Variants in SET observed in about 807,000 individuals in gnomAD.
The protein encoded by SET is SET nuclear proto-oncogene.
SET carries 4 observed loss-of-function variants against 39.0 expected under a neutral mutation model. That is an observed-to-expected ratio of 0.10 (90% CI 0.05 to 0.23). SET has a LOEUF of 0.23. SET is among the 10% of genes least tolerant of loss of function. The pLI, the probability that SET is intolerant of heterozygous loss-of-function variation, is 1.00. For synonymous variants in SET, 114 were observed against 115.9 expected, an observed-to-expected ratio of 0.98 and a Z score of 0.11; for missense variants, 137 against 329.7, an observed-to-expected ratio of 0.42 and a Z score of 4.53.
chr9:128,694,597 C>G, intron 7 of SET, 44 bp from the exon 8 acceptor site: 2 of 1,459,912 alleles, frequency 1.4e-6, no homozygotes, highest in Non-Finnish European at 1.9e-6. Flanking sequence ...GAAAGCAAGT[C>G]TCAGCATTAA....
Position 128,691,153 on chromosome 9 carries a change from T to C in SET, c.74-17T>C. 1 of 1,595,312 alleles carries C rather than the reference T, an allele frequency of 6.3e-7. No homozygotes were observed. On this transcript the variant is annotated splice_polypyrimidine_tract_variant and intron_variant, in intron 1 of 7. Transcript: ENST00000322030. ...TAAATTTATCTTAGAATTAAGTTTT[T>C]TGCTCCTTTTTTGCAGAAAAAGAAC...
At chr9:128,684,855 T>C (rs948760971), upstream of SET, among the ~76,000 whole-genome samples, 2 of 152,130 alleles carry the variant, frequency 1.3e-5, no homozygotes, top group Non-Finnish European at 1.5e-5. Context: ...TGTCATTACA[T>C]TGTAACCAGC....
intron 5 of SET, 42 bp from the exon 6 acceptor site, chr9:128,693,596 T>C (rs993345983): frequency 9.7e-6 from 15 of 1,545,868 alleles, no homozygotes; most frequent in African/African-American, 4.2e-5. Flanking sequence ...GTTTGGGTGT[T>C]ATGGAGAGAT....
upstream of SET, chr9:128,689,179 G>T (rs1461528667): frequency 1.2e-6 from 1 of 812,468 alleles, no homozygotes; most frequent in Non-Finnish European, 1.5e-6. Flanking sequence ...GCCGGAGGCG[G>T]AGCATCCGCG....
At chr9:128,689,954 C>G (rs1302462302) in intron 1 of SET, 1 of 736,582 alleles carries the variant, frequency 1.4e-6, no homozygotes, top group Non-Finnish European at 1.7e-6. Flanking sequence ...CCCTCCCTCC[C>G]TCCCGAGAAG....
chr9:128,691,757 T>G (rs887140193), intron 2 of SET, 101 bp from the exon 3 acceptor site: 1 of 1,172,318 alleles, frequency 8.5e-7, no homozygotes, highest in African/African-American at 1.5e-5. Flanking sequence ...TTGGTTATTT[T>G]GCATGACTCA....
At chr9:128,692,593 G>A (rs1861587990) in intron 3 of SET, 69 bp from the exon 4 acceptor site, 1 of 1,057,076 alleles carries the variant, frequency 9.5e-7, no homozygotes, top group African/African-American at 1.6e-5. Context: ...AAATTTTAAA[G>A]GGATCACTTA....
chr9:128,689,207 G>A, upstream of SET: 1 of 980,018 alleles, frequency 1.0e-6, no homozygotes, highest in Non-Finnish European at 1.2e-6. Context: ...TGGCGCGCCT[G>A]CGCCCTGCGC....
At chr9:128,687,018 A>G (rs117405667), upstream of SET, among the ~76,000 whole-genome samples, 1,138 of 152,288 alleles carry the variant, frequency 7.5e-3, 17 homozygotes, top group East Asian at 0.055. Flanking sequence ...GGCTTTGTCA[A>G]TTGCTACTTG....
upstream of SET, chr9:128,689,081 C>T (rs1861391420): frequency 1.2e-5 from 2 of 167,960 alleles, no homozygotes; most frequent in South Asian, 2.0e-4. Flanking sequence ...TTCCTCCCAC[C>T]TCTCGCCGGG....
At chr9:128,693,072 G>A (rs1310493804) in intron 5 of SET, 91 bp downstream of exon 5, 3 of 822,586 alleles carry the variant, frequency 3.6e-6, no homozygotes, top group Non-Finnish European at 5.9e-6. Context: ...CTTTGGTCAT[G>A]TGGCTAAATA....
upstream of SET, among the ~76,000 whole-genome samples, chr9:128,687,047 G>T (rs1861306238): frequency 6.6e-6 from 1 of 152,160 alleles, no homozygotes. Context: ...TCTTGGTTCT[G>T]TCACTTGCAA....
At chr9:128,689,176 G>A, upstream of SET, 6 of 784,818 alleles carry the variant, frequency 7.6e-6, no homozygotes, top group Non-Finnish European at 9.3e-6. Context: ...CCGGCCGGAG[G>A]CGGAGCATCC....
exon 1 of SET, chr9:128,683,865 C>G: frequency 6.5e-7 from 1 of 1,527,114 alleles, no homozygotes; most frequent in East Asian, 2.5e-5. Context: ...CGAGGAGACT[C>G]GTGGTCTGGT....
At chr9:128,688,356 T>C (rs1419859887), upstream of SET, among the ~76,000 whole-genome samples, 3 of 152,194 alleles carry the variant, frequency 2.0e-5, no homozygotes, top group East Asian at 5.8e-4. Flanking sequence ...TCCTTAGTGG[T>C]TCAGAACTTT....
At chr9:128,688,999 T>C (rs1172982836), upstream of SET, among the ~76,000 whole-genome samples, 1 of 151,152 alleles carries the variant, frequency 6.6e-6, no homozygotes, top group Non-Finnish European at 1.5e-5. Context: ...GCCAGTGTCC[T>C]GGGTCGGGCC....
At chr9:128,692,204 G>T in intron 3 of SET, 1 of 493,338 alleles carries the variant, frequency 2.0e-6, no homozygotes, top group East Asian at 3.5e-5. Flanking sequence ...TTGGCCAACA[G>T]GTTGAAACCC....
chr9:128,683,761 A>C (rs1326337898), exon 1 of SET: 3 of 682,092 alleles, frequency 4.4e-6, no homozygotes, highest in Non-Finnish European at 7.3e-6. Context: ...TCCCACTGTC[A>C]TGTAAATATC....
intron 3 of SET, chr9:128,692,397 CAAAAAAAAAAAAA>C (rs58637669): frequency 6.6e-5 from 5 of 76,244 alleles, no homozygotes; most frequent in Admixed American, 2.1e-4. Flanking sequence ...GAGACTGTTT[CAAAAAAAAAAAAA>C]AAAAAAAAAA....
Sources: allele counts gnomAD v4.1 joint callset (sites outside exome capture counted in the v4.1 genomes callset), GRCh38; gene constraint gnomAD v4.1.1; transcripts MANE v1.5; gene names NCBI Gene and HGNC (gene_info 2026-07-23, HGNC 2026-07-21).